Variants in KIF11 observed in about 807,000 individuals in gnomAD.
KIF11 encodes kinesin family member 11, also known as kinesin-like protein KIF11.
In KIF11, 9 loss-of-function variants were observed where a neutral mutation model predicts 121.0. That is an observed-to-expected ratio of 0.07 (90% CI 0.04 to 0.13). KIF11 has a LOEUF of 0.13. Among genes scored for constraint, KIF11 ranks in the 10% least tolerant of loss-of-function variants. The pLI is 1.00. For missense variants in KIF11, 846 were observed against 1,217.5 expected (o/e 0.69, Z 4.54); for synonymous variants, 408 against 421.0 (o/e 0.97, Z 0.38).
intron 21 of KIF11, among the ~76,000 whole-genome samples, chr10:92,651,572 G>T (rs1402672671): frequency 5.2e-5 from 6 of 116,126 alleles, no homozygotes; most frequent in Non-Finnish European, 1.0e-4. Flanking sequence ...TCTCTGTGTT[G>T]GTCAGGCTGG....
Position 92,655,107 on chromosome 10 carries a change from T to C in KIF11, c.*1311T>C, listed in dbSNP as rs1845031952. 1.3e-5 allele frequency: 2 copies of C among 152,638 alleles called. No individual in the cohort carries two copies. The highest frequency in any genetic ancestry group is 4.8e-5 in the African/African-American group (2 of 41,446). The allele number at this position is 152,638 out of a possible 1,614,324, so 9.5% of individuals were successfully genotyped here. On this transcript the variant is annotated 3_prime_UTR_variant, in exon 22 of 22. Transcript: ENST00000260731. ...TTCTGGAAGTTGAGATGTTTCAGCT[T>C]GAAGAACCAAAACAGAAGGAATATG...
chr10:92,613,628 T>C lies in KIF11; in HGVS notation c.1032+9T>C, dbSNP rs1367136038. On this transcript the variant is annotated intron_variant, in intron 8 of 21. Transcript: ENST00000260731. This position sits in a 1 kb window ranked among gnomAD's most constrained non-coding sequence, Gnocchi z 4.2. ...CATCTCTCAATCTTGAGGTAAGCCC[T>C]TTGAAAGGAAGCTGCAAGTGTAGTA... 6.3e-7 allele frequency: 1 copy of C among 1,598,896 alleles called. No individual in the cohort carries two copies. Among genetic ancestry groups the C allele is most frequent in the Non-Finnish European group, 8.5e-7 (1 of 1,173,940 alleles).
intron 4 of KIF11, among the ~76,000 whole-genome samples, chr10:92,608,678 C>T (rs1468828403): frequency 3.9e-5 from 6 of 152,144 alleles, no homozygotes; most frequent in African/African-American, 1.4e-4. Flanking sequence ...ACCTTGTGAT[C>T]CACCTGCCTT....
intron 1 of KIF11, among the ~76,000 whole-genome samples, chr10:92,605,332 A>G (rs181092794): frequency 2.0e-5 from 3 of 152,324 alleles, no homozygotes; most frequent in East Asian, 3.9e-4. Context: ...ACTTGAAACA[A>G]TAAGTACCTG....
chr10:92,607,202 G>C lies in KIF11; in HGVS notation c.352G>C (p.Glu118Gln). ...TGGAAAAACTTTTACAATGGAAGGTGAAAGGTCACCTAATGAAGAGTATAC... is the reference window on the plus strand; with the variant it reads ...TGGAAAAACTTTTACAATGGAAGGTCAAAGGTCACCTAATGAAGAGTATAC... ...GTGKTFTMEG[E>Q]RSPNEEYTWE... is the part of the protein sequence containing the mutation. Residue 118 changes from glutamate to glutamine, a missense_variant, in exon 4 of 22, where the codon GAA becomes CAA. Physicochemically the swap from Glu to Gln is conservative, Grantham distance 29 (BLOSUM62 2). Coordinates refer to ENST00000260731, the MANE Select transcript of KIF11 (RefSeq NM_004523.4). 2.5e-6 allele frequency: 4 copies of C among 1,609,240 alleles called. No individual in the cohort carries two copies. Among genetic ancestry groups the C allele is most frequent in the Non-Finnish European group, 3.4e-6 (4 of 1,176,154 alleles).
rs201096319 is a variant in KIF11, at chr10:92,645,467, C to T, written c.2372C>T (p.Thr791Ile). ...QELRNFNQEG[T>I]KLVEESVKHS... The stretch of plus-strand genomic sequence containing the variant: ...CTCAGAAATTTTAACCAAGAAGGTA[C>T]AAAATTGGTTGAAGAATCTGTGAAA... The change falls in exon 18 of 22, where the codon ACA becomes ATA. Residue 791 changes from threonine (T) to isoleucine (I), a missense_variant. By Grantham distance (89) the Thr-to-Ile change is moderately conservative. Coordinates refer to ENST00000260731, the MANE Select transcript of KIF11 (RefSeq NM_004523.4). 5.1e-5 allele frequency: 83 copies of T among 1,613,806 alleles called. No individual in the cohort carries two copies. The highest frequency in any genetic ancestry group is 6.5e-5 in the Non-Finnish European group (77 of 1,179,894).
chr10:92,616,089 G>C (rs759981216), intron 8 of KIF11, among the ~76,000 whole-genome samples: 1 of 151,794 alleles, frequency 6.6e-6, no homozygotes. Context: ...CACCCGCCCC[G>C]GCCTTCCAAA....
Position 92,613,323 on chromosome 10 carries a change from C to T in KIF11, c.790-54C>T. 2 of 1,320,932 alleles carry T rather than the reference C, an allele frequency of 1.5e-6. No homozygotes were observed. Among genetic ancestry groups the T allele is most frequent in the Non-Finnish European group, 2.1e-6 (2 of 962,176 alleles). 81.8% of individuals were successfully genotyped at this position (1,320,932 alleles called of 1,614,324 possible). Reference sequence around the variant, plus strand: ...TTATGTATCCTGTGAGAATGAAAGTCTTTGAATCCAAATCCAATAGACTCA... The same window carrying T: ...TTATGTATCCTGTGAGAATGAAAGTTTTTGAATCCAAATCCAATAGACTCA... On this transcript the variant is annotated intron_variant, in intron 7 of 21. Coordinates refer to ENST00000260731, the MANE Select transcript of KIF11 (RefSeq NM_004523.4). This position sits in a 1 kb window ranked among gnomAD's most constrained non-coding sequence, Gnocchi z 4.2.
intron 10 of KIF11, among the ~76,000 whole-genome samples, chr10:92,626,027 T>C (rs1844672624): frequency 6.6e-6 from 1 of 152,214 alleles, no homozygotes. Context: ...GATTAAATGC[T>C]GTTCCTCTCA....
chr10:92,650,432 A>G lies in KIF11; in HGVS notation c.2954A>G (p.Gln985Arg). ...GATGTAGAAGAGGCAGTTCTGGGGC[A>G]GTATACTGAAGAACCTCTAAGTCAA... is the stretch of plus-strand genomic sequence containing the variant. The part of the protein sequence containing the change: ...DVDVEEAVLG[Q>R]YTEEPLSQEP... Residue 985 changes from glutamine to arginine, a missense_variant, in exon 21 of 22, where the codon CAG becomes CGG. By Grantham distance (43) the Gln-to-Arg change is conservative. Coordinates refer to ENST00000260731, the MANE Select transcript of KIF11 (RefSeq NM_004523.4). 3 of 1,612,444 alleles carry G rather than the reference A, an allele frequency of 1.9e-6. No individual in the cohort carries two copies. Among genetic ancestry groups the G allele is most frequent in the Non-Finnish European group, 2.5e-6 (3 of 1,178,436 alleles).
chr10:92,597,104 C>T (rs1024997646), intron 1 of KIF11: 2 of 306,996 alleles, frequency 6.5e-6, no homozygotes, highest in Admixed American at 3.6e-5. Context: ...TTAGACCTTT[C>T]TTCAGGGTTT....
chr10:92,651,772 T>C (rs1844988420), intron 21 of KIF11, among the ~76,000 whole-genome samples: 2 of 151,852 alleles, frequency 1.3e-5, no homozygotes. Flanking sequence ...TAATGTTCTC[T>C]ATGGGTAAGT....
chr10:92,606,501 T>A, intron 2 of KIF11, 104 bp downstream of exon 2: 1 of 1,210,294 alleles, frequency 8.3e-7, no homozygotes, highest in Non-Finnish European at 1.1e-6. Flanking sequence ...CAGTTGTCTC[T>A]GAATTGTCAG....
In KIF11 at chr10:92,628,809, G is replaced by C. The variant is rs1241389903; in HGVS notation, c.1219G>C (p.Val407Leu). The C allele has an allele frequency of 6.4e-7, 1 of 1,554,336 alleles. No homozygotes were observed. The highest frequency in any genetic ancestry group is 1.1e-5 in the South Asian group (1 of 87,660). Reference protein sequence around the residue: ...GVYISEENFRVMSGKLTVQEE... With the variant: ...GVYISEENFRLMSGKLTVQEE... ...AACTCATATTAAACTTTATTTTAGA[G>C]TCATGAGTGGAAAATTAACTGTTCA... The change falls in exon 11 of 22, where the codon GTC becomes CTC. Residue 407 changes from valine (V) to leucine (L), a missense_variant and splice_region_variant. Transcript: ENST00000260731.
intron 9 of KIF11, among the ~76,000 whole-genome samples, chr10:92,617,516 A>C (rs1447443255): frequency 6.6e-6 from 1 of 151,946 alleles, no homozygotes; most frequent in Non-Finnish European, 1.5e-5. Context: ...ATGTGTTTTC[A>C]TTTCTTTTGG....
At chr10:92,644,518 C>G (rs1844899239) in intron 17 of KIF11, among the ~76,000 whole-genome samples, 1 of 152,108 alleles carries the variant, frequency 6.6e-6, no homozygotes, top group South Asian at 2.1e-4. Context: ...AGGGCTTCAC[C>G]ATATTGGCCG....
intron 18 of KIF11, among the ~76,000 whole-genome samples, chr10:92,647,791 TTCTC>T (rs1328436302): frequency 1.3e-5 from 2 of 152,138 alleles, no homozygotes; most frequent in African/African-American, 2.4e-5. Context: ...AATTATACTG[TTCTC>T]TCTACTTTTG....
chr10:92,629,612 T>C (rs1844715025), intron 11 of KIF11, among the ~76,000 whole-genome samples: 1 of 151,300 alleles, frequency 6.6e-6, no homozygotes, highest in African/African-American at 2.5e-5. Flanking sequence ...CCTTTATTTA[T>C]TTATTTTTAA....
intron 17 of KIF11, among the ~76,000 whole-genome samples, chr10:92,643,841 A>T (rs7088685): frequency 0.15 from 22,689 of 151,958 alleles, 3,597 homozygotes; most frequent in African/African-American, 0.4. Context: ...CTTCTATTAT[A>T]CTTCTGTTGA....
Sources: gnomAD v4.1 joint callset for allele counts (sites outside exome capture counted in the v4.1 genomes callset) on GRCh38, gnomAD v4.1.1 for gene constraint, Gnocchi (gnomAD v3.1) non-coding constraint, MANE v1.5 for transcripts, NCBI Gene and HGNC (gene_info 2026-07-23, HGNC 2026-07-21) for gene names.